Variants in IQGAP1 observed in about 807,000 individuals in gnomAD.
The protein encoded by IQGAP1 is ras GTPase-activating-like protein IQGAP1.
In IQGAP1, 66 loss-of-function variants were observed where a neutral mutation model predicts 215.6. The observed-to-expected ratio is 0.31, with a 90% CI of 0.25 to 0.38. IQGAP1 has a LOEUF of 0.38. IQGAP1 is among the 10% of genes least tolerant of loss of function. IQGAP1 has a pLI of 1.00. For synonymous variants in IQGAP1, 772 were observed against 728.7 expected, an observed-to-expected ratio of 1.06 and a Z score of -0.96; for missense variants, 1,712 against 1,997.1, an observed-to-expected ratio of 0.86 and a Z score of 2.72.
Position 90,444,290 on chromosome 15 carries a change from T to TATA in IQGAP1, c.913+812_913+813insATA, listed in dbSNP as rs368829851. Among the ~76,000 whole-genome samples the TATA allele has an allele frequency of 6.2e-3, 482 of 77,250 alleles. 3 individuals are homozygous for TATA. The highest frequency in any genetic ancestry group is 0.017 in the African/African-American group (408 of 24,004). The allele number at this position is 77,250 out of a possible 152,430, so 50.7% of individuals were successfully genotyped here. ...GTGTGTGTGTGTGTGTATATATATA[T>TATA]TTTTTTTTTTCTTTAAGAGACAGAG... On this transcript the variant is annotated intron_variant, in intron 9 of 37. Coordinates refer to ENST00000268182, the MANE Select transcript of IQGAP1 (RefSeq NM_003870.4).
intron 2 of IQGAP1, among the ~76,000 whole-genome samples, chr15:90,406,822 CA>C (rs1964885374): frequency 6.6e-6 from 1 of 152,046 alleles, no homozygotes; most frequent in Non-Finnish European, 1.5e-5. Flanking sequence ...CATTGGAGTT[CA>C]AAAAGTGTAT....
intron 29 of IQGAP1, 63 bp from the exon 30 acceptor site, chr15:90,484,157 G>A (rs760630435): frequency 2.9e-4 from 436 of 1,497,334 alleles, no homozygotes; most frequent in Admixed American, 5.2e-4. Flanking sequence ...TTTGTGAAAT[G>A]TCCTCTTGCC....
At chr15:90,403,387 T>C (rs1964831211) in intron 2 of IQGAP1, among the ~76,000 whole-genome samples, 2 of 152,208 alleles carry the variant, frequency 1.3e-5, no homozygotes, top group Admixed American at 1.3e-4. Context: ...CATAGGAATG[T>C]TTTTTAGATA....
intron 33 of IQGAP1, among the ~76,000 whole-genome samples, chr15:90,490,053 G>T (rs1362398306): frequency 6.6e-6 from 1 of 152,116 alleles, no homozygotes; most frequent in Non-Finnish European, 1.5e-5. Context: ...GAGTAGTCTT[G>T]ACATTAGAAA....
chr15:90,485,147 G>C (rs901035678), intron 30 of IQGAP1, among the ~76,000 whole-genome samples: 1 of 152,044 alleles, frequency 6.6e-6, no homozygotes, highest in Non-Finnish European at 1.5e-5. Flanking sequence ...TGGGGACATG[G>C]ACATGTAAAA....
chr15:90,482,972 G>A (rs935858709), intron 28 of IQGAP1, among the ~76,000 whole-genome samples: 2 of 152,164 alleles, frequency 1.3e-5, no homozygotes, highest in African/African-American at 4.8e-5. Flanking sequence ...TATAAGGAAA[G>A]CCCATCTACA....
chr15:90,428,042 G>A (rs889859103), intron 3 of IQGAP1, among the ~76,000 whole-genome samples: 5 of 152,116 alleles, frequency 3.3e-5, no homozygotes, highest in African/African-American at 4.8e-5. Flanking sequence ...AGACTTATAT[G>A]TTCAGTGGGT....
intron 29 of IQGAP1, 65 bp downstream of exon 29, chr15:90,483,658 A>G: frequency 8.2e-7 from 1 of 1,212,148 alleles, no homozygotes; most frequent in Non-Finnish European, 1.2e-6. Flanking sequence ...GAGGGGAAAA[A>G]TAAGATTAAA....
intron 5 of IQGAP1, among the ~76,000 whole-genome samples, chr15:90,435,088 T>G (rs956814625): frequency 1.3e-5 from 2 of 152,212 alleles, no homozygotes; most frequent in African/African-American, 4.8e-5. Context: ...GTACTAGATC[T>G]GTGGTATCAT....
Position 90,413,527 on chromosome 15 carries a change from A to G in IQGAP1, c.156-12583A>G, listed in dbSNP as rs149575464. Among the ~76,000 whole-genome samples the G allele has an allele frequency of 3.6e-4, 55 of 152,320 alleles. 1 individual carries two copies. In the East Asian group the frequency reaches 3.9e-3, roughly 11 times the overall value. ...CATATTAGCCAATAGGTCATGATAA[A>G]TGATTACATTTTTAGACGTAATGTC... On this transcript the variant is annotated intron_variant, in intron 2 of 37. Coordinates refer to ENST00000268182, the MANE Select transcript of IQGAP1 (RefSeq NM_003870.4).
At chr15:90,423,903 G>A (rs1965183922) in intron 2 of IQGAP1, among the ~76,000 whole-genome samples, 1 of 152,168 alleles carries the variant, frequency 6.6e-6, no homozygotes, top group Admixed American at 6.5e-5. Context: ...AGAAATCTCA[G>A]AAAAGAGGAA....
At chr15:90,444,943 C>T (rs1182465134) in intron 9 of IQGAP1, among the ~76,000 whole-genome samples, 8 of 152,012 alleles carry the variant, frequency 5.3e-5, no homozygotes, top group Non-Finnish European at 8.8e-5. Flanking sequence ...GGCAATGTGG[C>T]GAAACCCTGT....
intron 2 of IQGAP1, among the ~76,000 whole-genome samples, chr15:90,398,805 C>A (rs1034835298): frequency 2.0e-5 from 3 of 152,084 alleles, no homozygotes; most frequent in Non-Finnish European, 4.4e-5. Flanking sequence ...GAGTTCGAGA[C>A]TAGCCTGGCC....
chr15:90,407,004 T>C (rs1024277407), intron 2 of IQGAP1, among the ~76,000 whole-genome samples: 5 of 152,164 alleles, frequency 3.3e-5, no homozygotes, highest in African/African-American at 4.8e-5. Context: ...CTGAAATTGG[T>C]GTTTAGTTCT....
At chr15:90,411,945 C>G (rs2601200) in intron 2 of IQGAP1, among the ~76,000 whole-genome samples, 1 of 151,792 alleles carries the variant, frequency 6.6e-6, no homozygotes, top group Admixed American at 6.6e-5. Context: ...CCCACAAAAT[C>G]CACCTGTTTT....
At chr15:90,429,114 A>G (rs185449495) in intron 3 of IQGAP1, among the ~76,000 whole-genome samples, 5 of 152,320 alleles carry the variant, frequency 3.3e-5, no homozygotes, top group South Asian at 2.1e-4. Context: ...CGGCCTGCCA[A>G]TGTGCTGGGA....
At chr15:90,457,407 T>C (rs545664148) in intron 15 of IQGAP1, among the ~76,000 whole-genome samples, 4 of 152,038 alleles carry the variant, frequency 2.6e-5, no homozygotes, top group Non-Finnish European at 5.9e-5. Context: ...GTTTGTTTTT[T>C]CAGACTGTTG....
At chr15:90,466,863 G>T (rs559484553) in intron 17 of IQGAP1, among the ~76,000 whole-genome samples, 3 of 152,170 alleles carry the variant, frequency 2.0e-5, no homozygotes, top group African/African-American at 7.2e-5. Flanking sequence ...AGGCTGAGGC[G>T]GGCAGATCGC....
At chr15:90,390,286 C>G (rs915141267) in intron 1 of IQGAP1, among the ~76,000 whole-genome samples, 1 of 152,210 alleles carries the variant, frequency 6.6e-6, no homozygotes, top group Non-Finnish European at 1.5e-5. Flanking sequence ...TGCCATGGGG[C>G]TGAGTTCACC....
Sources: allele counts gnomAD v4.1 joint callset (sites outside exome capture counted in the v4.1 genomes callset), GRCh38; gene constraint gnomAD v4.1.1; transcripts MANE v1.5; gene names NCBI Gene and HGNC (gene_info 2026-07-23, HGNC 2026-07-21).